RAD23B: variants seen among roughly 807,000 people sequenced by gnomAD.
The protein encoded by RAD23B is RAD23 nucleotide excision repair protein B, also known as lysine-specific demethylase RAD23B.
Under a neutral mutation model 49.1 loss-of-function variants are expected in RAD23B, and 5 were observed. The ratio of observed to expected loss-of-function variants is 0.10; its 90% confidence interval spans 0.05 to 0.21. The LOEUF is 0.21. RAD23B is among the 10% of genes least tolerant of loss of function. RAD23B has a pLI of 1.00. For missense variants in RAD23B, 356 were observed against 486.7 expected, an observed-to-expected ratio of 0.73 and a Z score of 2.53; for synonymous variants, 184 against 165.4, an observed-to-expected ratio of 1.11 and a Z score of -0.86.
intron 5 of RAD23B, among the ~76,000 whole-genome samples, chr9:107,317,160 G>C (rs1827015359): frequency 6.6e-6 from 1 of 152,150 alleles, no homozygotes. Context: ...ACAGATTATA[G>C]ATATGGAGAC....
chr9:107,294,341 C>A (rs1023048748), intron 1 of RAD23B, among the ~76,000 whole-genome samples: 5 of 152,078 alleles, frequency 3.3e-5, no homozygotes, highest in African/African-American at 1.2e-4. Flanking sequence ...GATAAACCAC[C>A]ATTATTTATG....
At chr9:107,286,983 G>A (rs1833282875) in intron 1 of RAD23B, among the ~76,000 whole-genome samples, 1 of 151,702 alleles carries the variant, frequency 6.6e-6, no homozygotes, top group African/African-American at 2.4e-5. Context: ...GCTGAGGCAG[G>A]AGAATCGCTT....
intron 6 of RAD23B, 145 bp from the exon 7 acceptor site, chr9:107,321,838 A>G (rs1228870470): frequency 2.1e-5 from 20 of 949,272 alleles, no homozygotes; most frequent in Non-Finnish European, 2.9e-5. Flanking sequence ...GCAGCTTAAT[A>G]ATCCTTTACT....
rs1024542154 is a variant in RAD23B at position 107,301,936 on chromosome 9, A to G, written c.149-99A>G. On this transcript the variant is annotated intron_variant, in intron 2 of 9. Transcript: ENST00000358015. ...TTATGTTGGTGATTCATATTTTAAT[A>G]TTTCTGAAATATTCATATTTCGAGT... The G allele has an allele frequency of 1.1e-5, 16 of 1,456,424 alleles. No homozygotes were observed. In the Admixed American group the frequency reaches 1.4e-4, roughly 13 times the overall value. 90.2% of individuals were successfully genotyped at this position (1,456,424 alleles called of 1,614,324 possible).
At chr9:107,298,822 T>C (rs559064262) in intron 1 of RAD23B, among the ~76,000 whole-genome samples, 1 of 152,202 alleles carries the variant, frequency 6.6e-6, no homozygotes, top group South Asian at 2.1e-4. Context: ...CTTTTTTTTT[T>C]GCAAATCTGA....
chr9:107,325,313 C>CAAAAAAAAAAAAA (rs34042765), intron 9 of RAD23B, among the ~76,000 whole-genome samples: 10 of 61,388 alleles, frequency 1.6e-4, no homozygotes, highest in African/African-American at 5.9e-4. Flanking sequence ...GACTCTGTCT[C>CAAAAAAAAAAAAA]AAAAAAAAAA....
chr9:107,307,699 G>A (rs1314706969), intron 4 of RAD23B, among the ~76,000 whole-genome samples: 1 of 152,200 alleles, frequency 6.6e-6, no homozygotes, highest in African/African-American at 2.4e-5. Flanking sequence ...TTTGAGTGTG[G>A]TTTCTGTGTC....
At chr9:107,293,140 C>G (rs1833417434) in intron 1 of RAD23B, among the ~76,000 whole-genome samples, 1 of 152,216 alleles carries the variant, frequency 6.6e-6, no homozygotes, top group African/African-American at 2.4e-5. Flanking sequence ...TCAGATCCTC[C>G]CCATATGTCC....
intron 1 of RAD23B, among the ~76,000 whole-genome samples, chr9:107,293,352 G>A (rs976080549): frequency 6.6e-6 from 1 of 152,162 alleles, no homozygotes; most frequent in African/African-American, 2.4e-5. Flanking sequence ...GTCATTGGGG[G>A]CCATCTTGGG....
intron 9 of RAD23B, among the ~76,000 whole-genome samples, chr9:107,325,539 G>C (rs1827188311): frequency 6.6e-6 from 1 of 151,900 alleles, no homozygotes; most frequent in South Asian, 2.1e-4. Context: ...TTCATTTTCA[G>C]ACTGTTCATT....
chr9:107,331,637 C>T lies in RAD23B; in HGVS notation c.*1981C>T. 1.3e-6 allele frequency: 1 copy of T among 767,274 alleles called. No homozygotes were observed. Among genetic ancestry groups the T allele is most frequent in the East Asian group, 2.4e-5 (1 of 41,122 alleles). 47.5% of individuals were successfully genotyped at this position (767,274 alleles called of 1,614,324 possible). On this transcript the variant is annotated 3_prime_UTR_variant, in exon 10 of 10. Transcript: ENST00000358015. ...TTCTGATCGGATAATGGAATACTCT[C>T]ATTTATTTTATGACATTCTCTGTCT...
chr9:107,328,066 T>C (rs941195768), intron 9 of RAD23B, among the ~76,000 whole-genome samples: 7 of 152,210 alleles, frequency 4.6e-5, no homozygotes, highest in Admixed American at 3.3e-4. Flanking sequence ...AACCTACTTG[T>C]GTCTTTGAAT....
Position 107,318,525 on chromosome 9 carries a change from C to T in RAD23B, c.554-227C>T, listed in dbSNP as rs1476565017. Among the ~76,000 whole-genome samples the T allele has an allele frequency of 6.6e-6, 1 of 152,178 alleles. No homozygotes were observed. The highest frequency in any genetic ancestry group is 2.4e-5 in the African/African-American group (1 of 41,432). ...GCAACCTTAATTTTATCTATAACCG[C>T]AATTTCCCTTTGCCTTGTAACCTAT... is the stretch of plus-strand genomic sequence containing the variant. On this transcript the variant is annotated intron_variant, in intron 5 of 9. Coordinates refer to ENST00000358015, the MANE Select transcript of RAD23B (RefSeq NM_002874.5). This position sits in a 1 kb window ranked among gnomAD's most constrained non-coding sequence, Gnocchi z 4.3.
chr9:107,329,827 T>C lies in RAD23B; in HGVS notation c.*171T>C, dbSNP rs1167388961. 2 of 418,320 alleles carry C rather than the reference T, an allele frequency of 4.8e-6. No homozygotes were observed. The highest frequency in any genetic ancestry group is 8.5e-6 in the Non-Finnish European group (2 of 235,382). 25.9% of individuals were successfully genotyped at this position (418,320 alleles called of 1,614,324 possible). A position where few individuals can be genotyped will look rare whatever the true frequency, so the allele number is the denominator to read the frequency against. ...ACAGGGCAGGGATAAATACAGTGCATGTCTGCTTCAATTAGCAGATGCCGC... is the reference window on the plus strand; with the variant it reads ...ACAGGGCAGGGATAAATACAGTGCACGTCTGCTTCAATTAGCAGATGCCGC... On this transcript the variant is annotated 3_prime_UTR_variant, in exon 10 of 10. Coordinates refer to ENST00000358015, the MANE Select transcript of RAD23B (RefSeq NM_002874.5).
chr9:107,310,990 T>G (rs1826877934), intron 4 of RAD23B, among the ~76,000 whole-genome samples: 1 of 152,210 alleles, frequency 6.6e-6, no homozygotes, highest in Non-Finnish European at 1.5e-5. Context: ...TAATTTAAAC[T>G]TCTAACTACT....
At chr9:107,315,851 T>C (rs1242486616) in intron 5 of RAD23B, among the ~76,000 whole-genome samples, 1 of 152,108 alleles carries the variant, frequency 6.6e-6, no homozygotes, top group East Asian at 1.9e-4. Context: ...CTTTGGACTT[T>C]TAAGATCTAA....
intron 1 of RAD23B, chr9:107,284,990 T>A: frequency 7.8e-7 from 1 of 1,276,940 alleles, no homozygotes; most frequent in Non-Finnish European, 1.0e-6. Flanking sequence ...GATACAGTGT[T>A]ACGTTTTACT....
chr9:107,319,732 A>G (rs1259487631), intron 6 of RAD23B, among the ~76,000 whole-genome samples: 1 of 151,880 alleles, frequency 6.6e-6, no homozygotes, highest in Non-Finnish European at 1.5e-5. Context: ...GTAGGAGTTG[A>G]GGGACTTTTT....
chr9:107,315,037 T>C (rs1826963237), intron 5 of RAD23B, among the ~76,000 whole-genome samples: 1 of 152,194 alleles, frequency 6.6e-6, no homozygotes, highest in Non-Finnish European at 1.5e-5. Flanking sequence ...AATAGCACTT[T>C]GTTAGATTGC....
Sources: gnomAD v4.1 joint callset for allele counts (sites outside exome capture counted in the v4.1 genomes callset) on GRCh38, gnomAD v4.1.1 for gene constraint, Gnocchi (gnomAD v3.1) non-coding constraint, MANE v1.5 for transcripts, NCBI Gene and HGNC (gene_info 2026-07-23, HGNC 2026-07-21) for gene names.